The following MYO16 variants were observed in gnomAD, a reference collection of about 807,000 sequenced individuals.
The protein encoded by MYO16 is unconventional myosin-XVI.
Under a neutral mutation model 205.3 loss-of-function variants are expected in MYO16, and 94 were observed. The observed-to-expected ratio is 0.46, with a 90% CI of 0.39 to 0.54. The LOEUF is 0.54. Ranked by LOEUF, MYO16 falls within the 20% of genes least tolerant of loss-of-function variation. The pLI is 0.00. For missense variants in MYO16, 2,315 were observed against 2,387.5 expected (o/e 0.97, Z 0.63); for synonymous variants, 988 against 954.0 (o/e 1.04, Z -0.66).
At chr13:108,955,313 A>G (rs942478090) in intron 16 of MYO16, among the ~76,000 whole-genome samples, 3 of 151,514 alleles carry the variant, frequency 2.0e-5, no homozygotes, top group Non-Finnish European at 2.9e-5. Flanking sequence ...GAAGTCTTTT[A>G]TGTGGTTTTT....
chr13:108,597,776 T>C (rs1481201333), intron 1 of MYO16, among the ~76,000 whole-genome samples: 2 of 152,142 alleles, frequency 1.3e-5, no homozygotes, highest in African/African-American at 2.4e-5. Context: ...CATGCGGTCA[T>C]GGTCAAGGTA....
chr13:108,677,071 T>C (rs1324953476), intron 2 of MYO16, among the ~76,000 whole-genome samples: 2 of 152,172 alleles, frequency 1.3e-5, no homozygotes, highest in East Asian at 1.9e-4. Flanking sequence ...CATTCATTCA[T>C]TCATGTAGCA....
At chr13:108,826,887 G>A (rs911786661) in intron 9 of MYO16, among the ~76,000 whole-genome samples, 1 of 152,134 alleles carries the variant, frequency 6.6e-6, no homozygotes, top group Non-Finnish European at 1.5e-5. Flanking sequence ...AGGTAAATCA[G>A]TGTTGGCAAG....
intron 5 of MYO16, among the ~76,000 whole-genome samples, chr13:108,792,796 C>T (rs1477072223): frequency 2.6e-5 from 4 of 151,942 alleles, no homozygotes; most frequent in Non-Finnish European, 5.9e-5. Context: ...ACAGGTGTGA[C>T]CCACAGTGCC....
At chr13:108,887,341 T>A (rs1879951293) in intron 13 of MYO16, among the ~76,000 whole-genome samples, 1 of 152,174 alleles carries the variant, frequency 6.6e-6, no homozygotes, top group Admixed American at 6.5e-5. Context: ...GTTAATTAAC[T>A]TTGTTAAAAT....
At chr13:108,566,635 G>GAAAGA in the MYO16 span, among the ~76,000 whole-genome samples, 59 of 143,984 alleles carry the variant, frequency 4.1e-4, no homozygotes, top group Admixed American at 8.6e-4. Flanking sequence ...GTGTAAGAAA[G>GAAAGA]AAAGAAAAGA....
At chr13:108,777,754 T>A (rs1357915021) in intron 4 of MYO16, among the ~76,000 whole-genome samples, 1 of 152,200 alleles carries the variant, frequency 6.6e-6, no homozygotes, top group Non-Finnish European at 1.5e-5. Context: ...GAATTAATAT[T>A]CTGCCCTTGT....
intron 5 of MYO16, among the ~76,000 whole-genome samples, chr13:108,791,013 T>G (rs896082851): frequency 3.3e-5 from 5 of 152,252 alleles, no homozygotes; most frequent in African/African-American, 1.2e-4. Context: ...GACTATCAGA[T>G]TCTTGTGCTA....
intron 2 of MYO16, among the ~76,000 whole-genome samples, chr13:108,697,538 A>T (rs1165652966): frequency 2.6e-5 from 4 of 152,258 alleles, no homozygotes; most frequent in South Asian, 2.1e-4. Context: ...GCATTAGCTC[A>T]CATGAAAACT....
chr13:108,586,401 A>G, the MYO16 span, among the ~76,000 whole-genome samples: 1 of 152,054 alleles, frequency 6.6e-6, no homozygotes, highest in Admixed American at 6.6e-5. Context: ...ATTAAATTCA[A>G]AAAAAATATT....
intron 27 of MYO16, among the ~76,000 whole-genome samples, chr13:109,067,308 G>A (rs1887783240): frequency 6.6e-6 from 1 of 152,182 alleles, no homozygotes; most frequent in Non-Finnish European, 1.5e-5. Flanking sequence ...CTAGGCAATG[G>A]GCACTGCGCT....
intron 12 of MYO16, among the ~76,000 whole-genome samples, chr13:108,867,167 G>GA (rs1380402278): frequency 6.6e-6 from 1 of 151,562 alleles, no homozygotes; most frequent in Non-Finnish European, 1.5e-5. Context: ...AACATAATGA[G>GA]AGACCCATCT....
the MYO16 span, among the ~76,000 whole-genome samples, chr13:108,507,400 TG>T: frequency 6.6e-6 from 1 of 152,144 alleles, no homozygotes; most frequent in East Asian, 1.9e-4. Context: ...ATAATATTCT[TG>T]CTTGCTAGGT....
At chr13:108,734,975 G>A (rs1354421814) in intron 4 of MYO16, among the ~76,000 whole-genome samples, 1 of 152,200 alleles carries the variant, frequency 6.6e-6, no homozygotes, top group Non-Finnish European at 1.5e-5. Context: ...CATGGTAGGA[G>A]AAAGGTAGTT....
intron 14 of MYO16, among the ~76,000 whole-genome samples, chr13:108,894,583 T>G (rs1880324730): frequency 6.6e-6 from 1 of 152,144 alleles, no homozygotes; most frequent in African/African-American, 2.4e-5. Context: ...AGTGCAGCAT[T>G]GAGGTCCAGA....
the MYO16 span, among the ~76,000 whole-genome samples, chr13:108,584,241 C>T: frequency 2.0e-5 from 3 of 152,134 alleles, no homozygotes; most frequent in Non-Finnish European, 1.5e-5. Context: ...CATGAGGCAC[C>T]GCACCCAGCC....
chr13:108,573,606 AG>A, the MYO16 span, among the ~76,000 whole-genome samples: 1 of 152,162 alleles, frequency 6.6e-6, no homozygotes. Context: ...TAGGATAAGG[AG>A]GTCAGTTTTC....
chr13:108,648,712 A>G (rs1172025774), intron 1 of MYO16, among the ~76,000 whole-genome samples: 2 of 152,080 alleles, frequency 1.3e-5, no homozygotes, highest in Admixed American at 1.3e-4. Flanking sequence ...ATCTTTATGG[A>G]TTTTTATATT....
chr13:108,708,351 T>A (rs192448381), intron 2 of MYO16, among the ~76,000 whole-genome samples: 2 of 152,354 alleles, frequency 1.3e-5, no homozygotes, highest in Non-Finnish European at 2.9e-5. Flanking sequence ...TCAGGCATAC[T>A]TTTTTAGAAG....
Sources: allele counts gnomAD v4.1 joint callset (sites outside exome capture counted in the v4.1 genomes callset), GRCh38; gene constraint gnomAD v4.1.1; transcripts MANE v1.5; gene names NCBI Gene and HGNC (gene_info 2026-07-23, HGNC 2026-07-21).